OR1I1: variants seen among roughly 807,000 people sequenced by gnomAD.
OR1I1 encodes olfactory receptor 1I1.
For missense variants in OR1I1, 451 were observed against 443.6 expected (o/e 1.02, Z -0.15); for synonymous variants, 171 against 181.4 (o/e 0.94, Z 0.46).
rs1163752228 is a variant in OR1I1, at chr19:15,088,766, A to G, written c.*633A>G. Reference sequence around the variant, plus strand: ...AGATAGGTAGATAGGGTGGATAGATAAGATATGTAGATAGATAGATAGATA... The same window carrying G: ...AGATAGGTAGATAGGGTGGATAGATGAGATATGTAGATAGATAGATAGATA... On this transcript the variant is annotated 3_prime_UTR_variant, in exon 2 of 2. Transcript: ENST00000641398. 2.3e-5 allele frequency: 1 copy of G among 43,298 alleles called. No individual in the cohort carries two copies. The highest frequency in any genetic ancestry group is 5.7e-5 in the African/African-American group (1 of 17,590). The allele number at this position is 43,298 out of a possible 1,614,324, so 2.7% of individuals were successfully genotyped here.
At chr19:15,082,785 G>A (rs1568321295) in intron 1 of OR1I1, among the ~76,000 whole-genome samples, 3 of 150,358 alleles carry the variant, frequency 2.0e-5, no homozygotes, top group Admixed American at 6.7e-5. Context: ...GGGGGAGGGG[G>A]CGGGGGGATT....
rs1568323818 is a variant in OR1I1, at chr19:15,092,124, T to A, written c.*3991T>A. The A allele has an allele frequency of 2.1e-5, 1 of 47,200 alleles. No individual in the cohort carries two copies. The highest frequency in any genetic ancestry group is 4.0e-5 in the African/African-American group (1 of 24,716). The allele number at this position is 47,200 out of a possible 1,614,324, so 2.9% of individuals were successfully genotyped here. A position where few individuals can be genotyped will look rare whatever the true frequency, so the allele number is the denominator to read the frequency against. On this transcript the variant is annotated 3_prime_UTR_variant, in exon 2 of 2. Coordinates refer to ENST00000641398, the MANE Select transcript of OR1I1 (RefSeq NM_001004713.2). ...TTTTTTTTTTTTGGTTTTTGGTTGT[T>A]TTTTTTTTTTCCCCGGAAACTTGTA...
Position 15,092,920 on chromosome 19 carries a change from G to A in OR1I1, c.*4787G>A, listed in dbSNP as rs1360417177. 2.0e-5 allele frequency: 3 copies of A among 152,154 alleles called. No individual in the cohort carries two copies. Among genetic ancestry groups the A allele is most frequent in the African/African-American group, 4.8e-5 (2 of 41,428 alleles). 9.4% of individuals were successfully genotyped at this position (152,154 alleles called of 1,614,324 possible). ...AGGCTGAGGAAGGAGGATCACTTAA[G>A]CCCAGGAGGTCAAGGCTGCAGTGAG... On this transcript the variant is annotated 3_prime_UTR_variant, in exon 2 of 2. Coordinates refer to ENST00000641398, the MANE Select transcript of OR1I1 (RefSeq NM_001004713.2).
In OR1I1 at chr19:15,087,994, T is replaced by G. The variant is rs75902656; in HGVS notation, c.929T>G (p.Val310Gly). 4.5e-5 allele frequency: 72 copies of G among 1,614,008 alleles called. No homozygotes were observed. The highest frequency in any genetic ancestry group is 6.0e-5 in the Non-Finnish European group (71 of 1,180,010). ...ALGKLIGKVA[V>G]PCPRPEQLLD... ...GGGAAGCTCATCGGCAAAGTGGCCG[T>G]CCCCTGTCCTAGGCCAGAACAGTTA... The change falls in exon 2 of 2, where the codon GTC becomes GGC. Residue 310 changes from valine to glycine, a missense_variant. Coordinates refer to ENST00000641398, the MANE Select transcript of OR1I1 (RefSeq NM_001004713.2).
Position 15,090,447 on chromosome 19 carries a change from A to G in OR1I1, c.*2314A>G, listed in dbSNP as rs1392628199. On this transcript the variant is annotated 3_prime_UTR_variant, in exon 2 of 2. Transcript: ENST00000641398. ...ACTCCTGGCCTCCAGTGATCTGCCCACCTCAGCCTCCCAAAGTGCTGGGAT... is the reference window on the plus strand; with the variant it reads ...ACTCCTGGCCTCCAGTGATCTGCCCGCCTCAGCCTCCCAAAGTGCTGGGAT... 4 of 151,136 alleles carry G rather than the reference A, an allele frequency of 2.6e-5. No individual in the cohort carries two copies. The highest frequency in any genetic ancestry group is 9.7e-5 in the African/African-American group (4 of 41,066). The allele number at this position is 151,136 out of a possible 1,614,324, so 9.4% of individuals were successfully genotyped here.
intron 1 of OR1I1, among the ~76,000 whole-genome samples, chr19:15,085,438 C>T (rs1421316316): frequency 6.6e-6 from 1 of 151,662 alleles, no homozygotes; most frequent in Non-Finnish European, 1.5e-5. Context: ...TCCCAAAGTG[C>T]TGGGATTATA....
chr19:15,085,173 TA>T (rs1429418360), intron 1 of OR1I1, among the ~76,000 whole-genome samples: 1,250 of 41,622 alleles, frequency 0.03, 119 homozygotes, highest in Admixed American at 0.047. Flanking sequence ...TATATATATA[TA>T]TATTTTTTTT....
chr19:15,084,415 A>G (rs1367686770), intron 1 of OR1I1, among the ~76,000 whole-genome samples: 4 of 152,060 alleles, frequency 2.6e-5, no homozygotes, highest in Non-Finnish European at 4.4e-5. Context: ...AAAATTAGCC[A>G]TGCGTGGTGG....
chr19:15,087,688 C>G lies in OR1I1; in HGVS notation c.623C>G (p.Thr208Ser), dbSNP rs768045045. Reference protein sequence around the residue: ...VIFAFGIVVGTSPFSCILLSY... With the variant: ...VIFAFGIVVGSSPFSCILLSY... ...TTTGCTTTTGGCATTGTCGTGGGCA[C>G]CAGCCCATTCTCCTGCATCCTTCTC... Residue 208 changes from threonine to serine, a missense_variant, in exon 2 of 2, where the codon ACC becomes AGC. Thr to Ser is a moderately conservative substitution (Grantham distance 58). Coordinates refer to ENST00000641398, the MANE Select transcript of OR1I1 (RefSeq NM_001004713.2). The G allele has an allele frequency of 3.1e-6, 5 of 1,614,194 alleles. No homozygotes were observed. Among genetic ancestry groups the G allele is most frequent in the Non-Finnish European group, 4.2e-6 (5 of 1,180,010 alleles).
chr19:15,083,204 T>C (rs1423932970), intron 1 of OR1I1, among the ~76,000 whole-genome samples: 2 of 151,878 alleles, frequency 1.3e-5, no homozygotes, highest in Non-Finnish European at 2.9e-5. Context: ...GCCTTCTGAG[T>C]AGCTGGGACT....
At chr19:15,082,935 G>A (rs763735885) in intron 1 of OR1I1, among the ~76,000 whole-genome samples, 6 of 151,954 alleles carry the variant, frequency 3.9e-5, no homozygotes, top group East Asian at 3.9e-4. Context: ...TCAGCCTCCC[G>A]GGTACCTGGG....
intron 1 of OR1I1, 42 bp from the exon 2 acceptor site, chr19:15,087,011 A>T (rs574722877): frequency 6.5e-7 from 1 of 1,548,766 alleles, no homozygotes; most frequent in East Asian, 2.3e-5. Flanking sequence ...CATCTCTGAC[A>T]CCTGGCTCTG....
rs1253730911 is a variant in OR1I1 at position 15,087,432 on chromosome 19, T to G, written c.367T>G (p.Phe123Val). 1.9e-6 allele frequency: 3 copies of G among 1,614,124 alleles called. No homozygotes were observed. Among genetic ancestry groups the G allele is most frequent in the African/African-American group, 1.3e-5 (1 of 75,054 alleles). ...FLLAVMAIDR[F>V]VAIVHPQRYL... ...CCTGGCAGTAATGGCCATCGACCGC[T>G]TCGTGGCCATTGTCCACCCACAGCG... Residue 123 changes from phenylalanine to valine, a missense_variant, in exon 2 of 2, where the codon TTC (phenylalanine) becomes GTC (valine). Physicochemically the swap from Phe to Val is conservative, Grantham distance 50. Transcript: ENST00000641398.
rs1368897266 is a variant in OR1I1, at chr19:15,090,400, A to G, written c.*2267A>G. 1 of 151,678 alleles carries G rather than the reference A, an allele frequency of 6.6e-6. No homozygotes were observed. Among genetic ancestry groups the G allele is most frequent in the African/African-American group, 2.4e-5 (1 of 41,246 alleles). The allele number at this position is 151,678 out of a possible 1,614,324, so 9.4% of individuals were successfully genotyped here. A position where few individuals can be genotyped will look rare whatever the true frequency, so the allele number is the denominator to read the frequency against. ...TTTTTAGTAGAGATGGGATTTCACTATGTTGGCCAGACTGGTCTCAAACTC... is the reference window on the plus strand; with the variant it reads ...TTTTTAGTAGAGATGGGATTTCACTGTGTTGGCCAGACTGGTCTCAAACTC... On this transcript the variant is annotated 3_prime_UTR_variant, in exon 2 of 2. Transcript: ENST00000641398.
At position 15,092,077 on chromosome 19, in the gene OR1I1, A is replaced by G. The variant is rs1392488440; in HGVS notation, c.*3944A>G. The stretch of plus-strand genomic sequence containing the variant: ...GCAATAATGTCATTTCACAAATTGG[A>G]TTTAAAACGCTTTTTTTTTTTTTTT... On this transcript the variant is annotated 3_prime_UTR_variant, in exon 2 of 2. Coordinates refer to ENST00000641398, the MANE Select transcript of OR1I1 (RefSeq NM_001004713.2). 1 of 113,230 alleles carries G rather than the reference A, an allele frequency of 8.8e-6. No homozygotes were observed. The highest frequency in any genetic ancestry group is 2.4e-4 in the East Asian group (1 of 4,194). The allele number at this position is 113,230 out of a possible 1,614,324, so 7.0% of individuals were successfully genotyped here.
chr19:15,087,230 C>T lies in OR1I1; in HGVS notation c.165C>T (p.Leu55=). ...IILAIITDSH[L]HTPMYFFLFN... ...TGGCCATCATCACGGACTCTCACCTCCACACACCCATGTACTTCTTTCTCT... is the reference window on the plus strand; with the variant it reads ...TGGCCATCATCACGGACTCTCACCTTCACACACCCATGTACTTCTTTCTCT... Residue 55 remains leucine (L), a synonymous_variant, in exon 2 of 2, where the codon CTC becomes CTT. Transcript: ENST00000641398. The T allele has an allele frequency of 6.2e-7, 1 of 1,614,124 alleles. No homozygotes were observed. The highest frequency in any genetic ancestry group is 8.5e-7 in the Non-Finnish European group (1 of 1,180,006).
At position 15,087,638 on chromosome 19, in the gene OR1I1, C is replaced by A. The variant is rs767957102; in HGVS notation, c.573C>A (p.Asp191Glu). The A allele has an allele frequency of 6.2e-7, 1 of 1,614,196 alleles. No homozygotes were observed. Among genetic ancestry groups the A allele is most frequent in the South Asian group, 1.1e-5 (1 of 91,090 alleles). ...CCCTGCTGAAGCTCTCCGGCTCAGA[C>A]ACGCACACCAACGAGCTGGTGATCT... Reference protein sequence around the residue: ...LMPLLKLSGSDTHTNELVIFA... With the variant: ...LMPLLKLSGSETHTNELVIFA... The change falls in exon 2 of 2, where the codon GAC (aspartate) becomes GAA (glutamate). Residue 191 changes from aspartate to glutamate, a missense_variant. By Grantham distance (45) the Asp-to-Glu change is conservative. Coordinates refer to ENST00000641398, the MANE Select transcript of OR1I1 (RefSeq NM_001004713.2).
chr19:15,091,173 T>C lies in OR1I1; in HGVS notation c.*3040T>C, dbSNP rs903323192. 2.0e-5 allele frequency: 3 copies of C among 152,182 alleles called. No individual in the cohort carries two copies. Among genetic ancestry groups the C allele is most frequent in the Non-Finnish European group, 4.4e-5 (3 of 68,028 alleles). 9.4% of individuals were successfully genotyped at this position (152,182 alleles called of 1,614,324 possible). ...AACTCCTTTATATGCACAATCTCAA[T>C]AAGTGTTAAGCAACACCCCTACAAG... On this transcript the variant is annotated 3_prime_UTR_variant, in exon 2 of 2. Transcript: ENST00000641398.
chr19:15,087,212 C>G lies in OR1I1; in HGVS notation c.147C>G (p.Ile49Met). Residue 49 changes from isoleucine to methionine, a missense_variant, in exon 2 of 2, where the codon ATC becomes ATG. Physicochemically the swap from Ile to Met is conservative, Grantham distance 10. Coordinates refer to ENST00000641398, the MANE Select transcript of OR1I1 (RefSeq NM_001004713.2). ...IIGNALIILA[I>M]ITDSHLHTPM... ...GAAATGCCCTCATTATCCTGGCCATCATCACGGACTCTCACCTCCACACAC... is the reference window on the plus strand; with the variant it reads ...GAAATGCCCTCATTATCCTGGCCATGATCACGGACTCTCACCTCCACACAC... 6.2e-7 allele frequency: 1 copy of G among 1,614,126 alleles called. No homozygotes were observed. Among genetic ancestry groups the G allele is most frequent in the African/African-American group, 1.3e-5 (1 of 75,058 alleles).
Sources: allele counts gnomAD v4.1 joint callset (sites outside exome capture counted in the v4.1 genomes callset), GRCh38; gene constraint gnomAD v4.1.1; transcripts MANE v1.5; gene names NCBI Gene and HGNC (gene_info 2026-07-23, HGNC 2026-07-21).